Variants in EFNA3 observed in about 807,000 individuals in gnomAD.
EFNA3 encodes ephrin-A3.
Under a neutral mutation model 25.0 loss-of-function variants are expected in EFNA3, and 15 were observed. That is an observed-to-expected ratio of 0.60 (90% confidence interval 0.40 to 0.92). The LOEUF (loss-of-function observed/expected upper bound fraction) is 0.92, where lower values mean the gene tolerates loss of function less well. EFNA3 is among the 40% of genes least tolerant of loss of function. The pLI is 0.00. For missense variants in EFNA3, 298 were observed against 323.8 expected, an observed-to-expected ratio of 0.92 and a Z score of 0.61; for synonymous variants, 153 against 145.6, an observed-to-expected ratio of 1.05 and a Z score of -0.37.
rs1011059519 is a variant in EFNA3, at chr1:155,081,752, C to G, written c.128+2683C>G. On this transcript the variant is annotated intron_variant, in intron 1 of 4. Coordinates refer to ENST00000368408, the MANE Select transcript of EFNA3 (RefSeq NM_004952.5). This position sits in a 1 kb window ranked among gnomAD's most constrained non-coding sequence, Gnocchi z 5.2. ...AGACTCTCGGTTCTCGTTCTCTTCC[C>G]TGCCTCTCTCGGTTTCTGCGTCTCT... Among the ~76,000 whole-genome samples, 1 of 152,188 alleles carries G rather than the reference C, an allele frequency of 6.6e-6. No homozygotes were observed. Among genetic ancestry groups the G allele is most frequent in the East Asian group, 1.9e-4 (1 of 5,200 alleles).
In EFNA3 at chr1:155,085,185, G is replaced by C; in HGVS notation, c.223G>C (p.Ala75Pro). 4 of 1,612,596 alleles carry C rather than the reference G, an allele frequency of 2.5e-6. No individual in the cohort carries two copies. The highest frequency in any genetic ancestry group is 3.4e-6 in the Non-Finnish European group (4 of 1,179,582). The change falls in exon 2 of 5, where the codon GCG (alanine) becomes CCG (proline). Residue 75 changes from alanine to proline, a missense_variant. Transcript: ENST00000368408. The surrounding 1 kb of genome is among the most constrained non-coding windows in gnomAD (Gnocchi z 4.4). ...CAACAGCTCGGGGGTGGGCCCCGGG[G>C]CGGGACCGGGGCCCGGAGGCGGGGC... ...HYNSSGVGPGAGPGPGGGAEQ... is the reference protein window; with the variant it reads ...HYNSSGVGPGPGPGPGGGAEQ...
In EFNA3 at chr1:155,080,436, G is replaced by GCC. The variant is rs1663320080; in HGVS notation, c.128+1370_128+1371dup. 6.6e-6 allele frequency among the ~76,000 whole-genome samples: 1 copy of GCC among 152,028 alleles called. No homozygotes were observed. The highest frequency in any genetic ancestry group is 2.4e-5 in the African/African-American group (1 of 41,396). On this transcript the variant is annotated intron_variant, in intron 1 of 4. Transcript: ENST00000368408. This position sits in a 1 kb window ranked among gnomAD's most constrained non-coding sequence, Gnocchi z 7.0. ...TGGAAACCTCGGGGGTGGGGACGTGGCCCCTCCCCCCCGGAGCGGGACTCC... is the reference window on the plus strand; with the variant it reads ...TGGAAACCTCGGGGGTGGGGACGTGGCCCCCCTCCCCCCCGGAGCGGGACTCC...
chr1:155,078,857 C>G lies in EFNA3; in HGVS notation c.-85C>G. ...GGCGTGGCCTAAGGCTGGGGGCCGACGGCGGCGGCAGCAGGGAGCTGGGAA... is the reference window on the plus strand; with the variant it reads ...GGCGTGGCCTAAGGCTGGGGGCCGAGGGCGGCGGCAGCAGGGAGCTGGGAA... On this transcript the variant is annotated 5_prime_UTR_variant, in exon 1 of 5. Transcript: ENST00000368408. 7.7e-7 allele frequency: 1 copy of G among 1,297,322 alleles called. No individual in the cohort carries two copies. The highest frequency in any genetic ancestry group is 2.3e-5 in the South Asian group (1 of 42,824). The allele number at this position is 1,297,322 out of a possible 1,614,324, so 80.4% of individuals were successfully genotyped here.
rs907989879 is a variant in EFNA3, at chr1:155,081,956, G to A, written c.128+2887G>A. ...GCCGCCGCCGCCGCCGCTGTCGCAG[G>A]GAGGAGGGGCGGAGGTGTCGGGCGC... On this transcript the variant is annotated intron_variant, in intron 1 of 4. Transcript: ENST00000368408. The surrounding 1 kb of genome is among the most constrained non-coding windows in gnomAD (Gnocchi z 5.2). 1.3e-5 allele frequency among the ~76,000 whole-genome samples: 2 copies of A among 152,204 alleles called. No individual in the cohort carries two copies. Among genetic ancestry groups the A allele is most frequent in the Non-Finnish European group, 2.9e-5 (2 of 68,024 alleles).
At chr1:155,082,131 A>C (rs1663353927) in intron 1 of EFNA3, among the ~76,000 whole-genome samples, 1 of 152,000 alleles carries the variant, frequency 6.6e-6, no homozygotes, top group Non-Finnish European at 1.5e-5. Flanking sequence ...CGTTCCCGCC[A>C]CCACCGCCAC....
chr1:155,079,035 C>T lies in EFNA3; in HGVS notation c.94C>T (p.Arg32Trp). The T allele has an allele frequency of 3.5e-6, 5 of 1,412,494 alleles. No individual in the cohort carries two copies. The highest frequency in any genetic ancestry group is 4.6e-6 in the Non-Finnish European group (5 of 1,079,320). The allele number at this position is 1,412,494 out of a possible 1,614,324, so 87.5% of individuals were successfully genotyped here. The change falls in exon 1 of 5, where the codon CGG becomes TGG. Residue 32 changes from arginine to tryptophan, a missense_variant. Arg to Trp is a moderately radical substitution (Grantham distance 101). Transcript: ENST00000368408. The surrounding 1 kb of genome is among the most constrained non-coding windows in gnomAD (Gnocchi z 7.7). ...AQGPGGALGN[R>W]HAVYWNSSNQ... ...AGGGCCCGGAGGGGCGCTGGGAAACCGGCATGCGGTGTACTGGAACAGCTC... is the reference window on the plus strand; with the variant it reads ...AGGGCCCGGAGGGGCGCTGGGAAACTGGCATGCGGTGTACTGGAACAGCTC...
In EFNA3 at chr1:155,085,439, G is replaced by A. The variant is rs1205269194; in HGVS notation, c.442+35G>A. 1 of 1,512,510 alleles carries A rather than the reference G, an allele frequency of 6.6e-7. No individual in the cohort carries two copies. The highest frequency in any genetic ancestry group is 1.3e-5 in the South Asian group (1 of 78,178). 93.7% of individuals were successfully genotyped at this position (1,512,510 alleles called of 1,614,324 possible). On this transcript the variant is annotated intron_variant, in intron 2 of 4. Coordinates refer to ENST00000368408, the MANE Select transcript of EFNA3 (RefSeq NM_004952.5). The surrounding 1 kb of genome is among the most constrained non-coding windows in gnomAD (Gnocchi z 4.4). The stretch of plus-strand genomic sequence containing the variant: ...GGCGGCCGGGCGGGCGGGTCTGAAC[G>A]CGAGAGTCTGAGTGACAGCCGGGGG...
At position 155,086,532 on chromosome 1, in the gene EFNA3, T is replaced by C; in HGVS notation, c.706T>C (p.Leu236=). ...VGIAFFLMTF[L]AS ...CATCGCCTTCTTCCTCATGACGTTC[T>C]TGGCCTCCTAGCTCTGCCCCCTCCC... Residue 236 remains leucine (L), a synonymous_variant, in exon 5 of 5, where the codon TTG becomes CTG. Coordinates refer to ENST00000368408, the MANE Select transcript of EFNA3 (RefSeq NM_004952.5). 1 of 1,613,490 alleles carries C rather than the reference T, an allele frequency of 6.2e-7. No homozygotes were observed. The highest frequency in any genetic ancestry group is 8.5e-7 in the Non-Finnish European group (1 of 1,179,920).
rs1663300292 is a variant in EFNA3, at chr1:155,079,406, T to C, written c.128+337T>C. 6.6e-6 allele frequency among the ~76,000 whole-genome samples: 1 copy of C among 152,092 alleles called. No individual in the cohort carries two copies. The highest frequency in any genetic ancestry group is 2.1e-4 in the South Asian group (1 of 4,824). On this transcript the variant is annotated intron_variant, in intron 1 of 4. Coordinates refer to ENST00000368408, the MANE Select transcript of EFNA3 (RefSeq NM_004952.5). The surrounding 1 kb of genome is among the most constrained non-coding windows in gnomAD (Gnocchi z 7.7). ...TTGGGCTGGGGTTTGGGGGTAGCGC[T>C]GTGCTGGGGATAGGCCGCTGCATTT...
At chr1:155,083,520 CTGG>C (rs1663383216) in intron 1 of EFNA3, among the ~76,000 whole-genome samples, 1 of 152,234 alleles carries the variant, frequency 6.6e-6, no homozygotes, top group Admixed American at 6.5e-5. Flanking sequence ...CAGAGTGGGG[CTGG>C]TGGCATTCCT....
intron 1 of EFNA3, 125 bp from the exon 2 acceptor site, chr1:155,084,966 C>T (rs1663420767): frequency 9.0e-7 from 1 of 1,117,030 alleles, no homozygotes; most frequent in African/African-American, 1.6e-5. Flanking sequence ...GGCTGAGCCG[C>T]GAGGAAGCTC....
In EFNA3 at chr1:155,086,417, C is replaced by T. The variant is rs148491448; in HGVS notation, c.591C>T (p.Asp197=). The T allele has an allele frequency of 6.7e-4, 1,079 of 1,614,046 alleles. No individual in the cohort carries two copies. Among genetic ancestry groups the T allele is most frequent in the Non-Finnish European group, 8.9e-4 (1,054 of 1,179,926 alleles). Residue 197 remains aspartate, a synonymous_variant, in exon 5 of 5, where the codon GAC becomes GAT. Transcript: ENST00000368408. ...TGTCTGTTCCTCTGTCCACAGAAGA[C>T]TTTGAGGGAGAGAACCCTCAGGTGC... The part of the protein sequence containing the change: ...GPNVKINVLE[D]FEGENPQVPK...
At chr1:155,086,260 C>CCGGTG in intron 4 of EFNA3, 55 bp downstream of exon 4, 1 of 1,600,270 alleles carries the variant, frequency 6.2e-7, no homozygotes, top group Non-Finnish European at 8.6e-7. Flanking sequence ...GCCCCCCGCC[C>CCGGTG]CGGTGCCTGC....
At chr1:155,086,377 C>G (rs1442253933) in intron 4 of EFNA3, 36 bp from the exon 5 acceptor site, 1 of 1,611,284 alleles carries the variant, frequency 6.2e-7, no homozygotes, top group Non-Finnish European at 8.5e-7. Context: ...GCGCGCAACC[C>G]AGCCCTCACC....
chr1:155,084,961 A>G, intron 1 of EFNA3, 130 bp from the exon 2 acceptor site: 1 of 1,046,406 alleles, frequency 9.6e-7, no homozygotes, highest in Middle Eastern at 2.8e-4. Context: ...GACAGGGCTG[A>G]GCCGCGAGGA....
At chr1:155,086,335 C>T (rs1231222639) in intron 4 of EFNA3, 78 bp from the exon 5 acceptor site, 2 of 1,499,318 alleles carry the variant, frequency 1.3e-6, no homozygotes, top group Non-Finnish European at 1.8e-6. Context: ...ACGTCCCTGG[C>T]TCCATTGCTG....
chr1:155,086,103 T>TACCCCC, intron 3 of EFNA3, 25 bp from the exon 4 acceptor site: 1 of 1,577,726 alleles, frequency 6.3e-7, no homozygotes, highest in Non-Finnish European at 8.7e-7. Flanking sequence ...CCCTCCTCTC[T>TACCCCC]CCCCACCCGC....
chr1:155,085,191 C>A lies in EFNA3; in HGVS notation c.229C>A (p.Pro77Thr). 6.2e-7 allele frequency: 1 copy of A among 1,613,054 alleles called. No individual in the cohort carries two copies. Among genetic ancestry groups the A allele is most frequent in the Non-Finnish European group, 8.5e-7 (1 of 1,179,876 alleles). Reference protein sequence around the residue: ...NSSGVGPGAGPGPGGGAEQYV... With the variant: ...NSSGVGPGAGTGPGGGAEQYV... ...CTCGGGGGTGGGCCCCGGGGCGGGA[C>A]CGGGGCCCGGAGGCGGGGCAGAGCA... The change falls in exon 2 of 5, where the codon CCG becomes ACG. Residue 77 changes from proline to threonine, a missense_variant. Transcript: ENST00000368408. This position sits in a 1 kb window ranked among gnomAD's most constrained non-coding sequence, Gnocchi z 4.4.
intron 1 of EFNA3, among the ~76,000 whole-genome samples, chr1:155,084,538 G>GT (rs1663412458): frequency 6.6e-6 from 1 of 152,276 alleles, no homozygotes; most frequent in Non-Finnish European, 1.5e-5. Context: ...ACATGCGTCT[G>GT]TAAGGGCAGG....
Sources: allele counts gnomAD v4.1 joint callset (sites outside exome capture counted in the v4.1 genomes callset), GRCh38; gene constraint gnomAD v4.1.1; non-coding constraint Gnocchi (gnomAD v3.1); transcripts MANE v1.5; gene names NCBI Gene and HGNC (gene_info 2026-07-23, HGNC 2026-07-21).